Variants in AHRR observed in about 807,000 individuals in gnomAD.
AHRR encodes ahR repressor.
A neutral mutation model predicts 44.0 loss-of-function variants in AHRR; 28 were observed. That is an observed-to-expected ratio of 0.64 (90% CI 0.47 to 0.87). The LOEUF (loss-of-function observed/expected upper bound fraction) is 0.87. AHRR is among the 40% of genes least tolerant of loss of function. The probability of loss-of-function intolerance (pLI) is 0.00; values close to 1 mark genes in which losing one functional copy is unlikely to be tolerated. For synonymous variants in AHRR, 434 were observed against 407.0 expected (o/e 1.07, Z -0.80); for missense variants, 990 against 953.9 (o/e 1.04, Z -0.50).
rs928628495 is a variant in AHRR at position 354,027 on chromosome 5, C to G, written c.244+116C>G. The G allele has an allele frequency of 8.3e-6, 9 of 1,081,150 alleles. No homozygotes were observed. The African/African-American group carries it at 1.3e-4, about 15-fold the overall frequency. The allele number at this position is 1,081,150 out of a possible 1,614,324, so 67.0% of individuals were successfully genotyped here. Reference sequence around the variant, plus strand: ...TCTGGTGGGTTGCACCATGTGCACTCCCTTCTTCCCCCACGCTGCCCCCAG... The same window carrying G: ...TCTGGTGGGTTGCACCATGTGCACTGCCTTCTTCCCCCACGCTGCCCCCAG... On this transcript the variant is annotated intron_variant, in intron 3 of 10. Transcript: ENST00000684583.
At chr5:389,142 G>A (rs1392681490) in intron 4 of AHRR, among the ~76,000 whole-genome samples, 2 of 150,990 alleles carry the variant, frequency 1.3e-5, no homozygotes, top group Non-Finnish European at 3.0e-5. Flanking sequence ...CCATGCTGAC[G>A]ATGCCCTGGC....
At chr5:380,012 G>A (rs766951949) in intron 4 of AHRR, among the ~76,000 whole-genome samples, 3 of 152,172 alleles carry the variant, frequency 2.0e-5, no homozygotes, top group Non-Finnish European at 2.9e-5. Context: ...GGTATGAGAT[G>A]TGTGAGGTAG....
rs1273272185 is a variant in AHRR at position 383,717 on chromosome 5, C to T, written c.351+7001C>T. Among the ~76,000 whole-genome samples, 3 of 152,098 alleles carry T rather than the reference C, an allele frequency of 2.0e-5. No individual in the cohort carries two copies. Among genetic ancestry groups the T allele is most frequent in the African/African-American group, 7.2e-5 (3 of 41,400 alleles). On this transcript the variant is annotated intron_variant, in intron 4 of 10. Transcript: ENST00000684583. The surrounding 1 kb of genome is among the most constrained non-coding windows in gnomAD (Gnocchi z 4.0). Reference sequence around the variant, plus strand: ...AGCTGGGACTACAAGCATGTGCCACCATACCCAGCTAATTAAAATTCTTTT... The same window carrying T: ...AGCTGGGACTACAAGCATGTGCCACTATACCCAGCTAATTAAAATTCTTTT...
chr5:375,876 G>A (rs935533918), intron 3 of AHRR, among the ~76,000 whole-genome samples: 1 of 152,202 alleles, frequency 6.6e-6, no homozygotes, highest in Non-Finnish European at 1.5e-5. Flanking sequence ...GAAGGTGAAC[G>A]TGTCATCTGT....
At chr5:368,291 C>T (rs1560894306) in intron 3 of AHRR, among the ~76,000 whole-genome samples, 1 of 152,192 alleles carries the variant, frequency 6.6e-6, no homozygotes, top group Non-Finnish European at 1.5e-5. Flanking sequence ...CGCACTGTAT[C>T]CTGCCTGAGG....
chr5:434,699 T>C lies in AHRR; in HGVS notation c.1959T>C (p.Pro653=). The part of the protein sequence containing the change: ...SCTCRAAEAA[P]VVKREPLDSP... ...CCTGCAGAGCTGCTGAGGCCGCCCC[T>C]GTGGTCAAGCGGGAGCCCTTGGACT... The change falls in exon 11 of 11, where the codon CCT becomes CCC. Residue 653 remains proline (P), a synonymous_variant. Coordinates refer to ENST00000684583, the MANE Select transcript of AHRR (RefSeq NM_001377236.1). The C allele has an allele frequency of 6.4e-7, 1 of 1,573,602 alleles. No individual in the cohort carries two copies. The highest frequency in any genetic ancestry group is 8.6e-7 in the Non-Finnish European group (1 of 1,159,360).
chr5:437,207 T>C lies in AHRR; in HGVS notation c.*2373T>C, dbSNP rs896194409. 1 of 138,572 alleles carries C rather than the reference T, an allele frequency of 7.2e-6. No homozygotes were observed. Among genetic ancestry groups the C allele is most frequent in the Admixed American group, 7.0e-5 (1 of 14,288 alleles). The allele number at this position is 138,572 out of a possible 1,614,324, so 8.6% of individuals were successfully genotyped here. ...CTACAAAAAATAATTAAAAATCAGATCTGCTGTATCCCTGAAAAAGTCTCA... is the reference window on the plus strand; with the variant it reads ...CTACAAAAAATAATTAAAAATCAGACCTGCTGTATCCCTGAAAAAGTCTCA... On this transcript the variant is annotated 3_prime_UTR_variant, in exon 11 of 11. Coordinates refer to ENST00000684583, the MANE Select transcript of AHRR (RefSeq NM_001377236.1).
chr5:403,590 C>G (rs547274198), intron 4 of AHRR: 21 of 383,434 alleles, frequency 5.5e-5, no homozygotes, highest in South Asian at 4.4e-4. Flanking sequence ...GAGCCGAGAT[C>G]GCACCACACT....
chr5:409,089 T>C (rs1735378065), intron 4 of AHRR, among the ~76,000 whole-genome samples: 1 of 152,246 alleles, frequency 6.6e-6, no homozygotes. Flanking sequence ...CTCTTAAGTT[T>C]ATGAGCTTTT....
intron 4 of AHRR, 43 bp downstream of exon 4, chr5:376,759 C>A (rs528568058): frequency 1.3e-6 from 2 of 1,515,066 alleles, no homozygotes; most frequent in Admixed American, 1.9e-5. Flanking sequence ...ACACTTGGTT[C>A]TCCGTGTCAC....
chr5:344,714 G>T (rs183356346), intron 2 of AHRR, among the ~76,000 whole-genome samples: 1 of 7,092 alleles, frequency 1.4e-4, no homozygotes, highest in Non-Finnish European at 3.5e-4. Context: ...CTGTGTGTGG[G>T]GTGTGTGTGT....
rs1737132001 is a variant in AHRR, at chr5:437,386, G to A, written c.*2552G>A. 6.6e-6 allele frequency: 1 copy of A among 152,392 alleles called. No individual in the cohort carries two copies. The highest frequency in any genetic ancestry group is 2.4e-5 in the African/African-American group (1 of 41,466). 9.4% of individuals were successfully genotyped at this position (152,392 alleles called of 1,614,324 possible). A position where few individuals can be genotyped will look rare whatever the true frequency, so the allele number is the denominator to read the frequency against. ...TCTTCCAGTCTCGGGGCCGAGGAGG[G>A]CAGGGAGCTCAGTGACTGAGAGTCT... On this transcript the variant is annotated 3_prime_UTR_variant, in exon 11 of 11. Coordinates refer to ENST00000684583, the MANE Select transcript of AHRR (RefSeq NM_001377236.1).
At position 337,723 on chromosome 5, in the gene AHRR, C is replaced by T. The variant is rs1430985173; in HGVS notation, c.-10-6170C>T. 1.3e-5 allele frequency among the ~76,000 whole-genome samples: 2 copies of T among 152,106 alleles called. No homozygotes were observed. Among genetic ancestry groups the T allele is most frequent in the Non-Finnish European group, 2.9e-5 (2 of 68,030 alleles). On this transcript the variant is annotated intron_variant, in intron 1 of 10. Transcript: ENST00000684583. This position sits in a 1 kb window ranked among gnomAD's most constrained non-coding sequence, Gnocchi z 4.1. ...GGTGCTCCGGGGCTGCGGGAGGCCC[C>T]TAAGGAGTGCGCTTGGAAGGGGGCT...
intron 4 of AHRR, chr5:403,721 C>T (rs548072022): frequency 3.2e-5 from 34 of 1,047,136 alleles, no homozygotes; most frequent in South Asian, 2.2e-4. Flanking sequence ...CATATTTTTC[C>T]GTATTAAAAT....
In AHRR at chr5:422,519, G is replaced by A. The variant is rs913037481; in HGVS notation, c.442-210G>A. On this transcript the variant is annotated intron_variant, in intron 5 of 10. Coordinates refer to ENST00000684583, the MANE Select transcript of AHRR (RefSeq NM_001377236.1). Reference sequence around the variant, plus strand: ...TGTGGGCACCACTTGGCGGGCAGACGGGTGGGCGGGTGCTCCAGGCAACTT... The same window carrying A: ...TGTGGGCACCACTTGGCGGGCAGACAGGTGGGCGGGTGCTCCAGGCAACTT... 38 of 608,536 alleles carry A rather than the reference G, an allele frequency of 6.2e-5. No homozygotes were observed. The East Asian group carries it at 1.1e-3, about 18-fold the overall frequency. 37.7% of individuals were successfully genotyped at this position (608,536 alleles called of 1,614,324 possible). A position where few individuals can be genotyped will look rare whatever the true frequency, so the allele number is the denominator to read the frequency against.
intron 3 of AHRR, among the ~76,000 whole-genome samples, chr5:355,813 CAG>C (rs773338353): frequency 2.6e-5 from 4 of 152,256 alleles, no homozygotes; most frequent in Non-Finnish European, 4.4e-5. Flanking sequence ...CAGTGACTCT[CAG>C]GGGCCACCGG....
In AHRR at chr5:370,483, T is replaced by C. The variant is rs1743537268; in HGVS notation, c.245-6127T>C. Reference sequence around the variant, plus strand: ...AGCTTGAGCTGGAAGCAGGGGTGAGTGAAATCAGGTTCAAGGGAAATTTTC... The same window carrying C: ...AGCTTGAGCTGGAAGCAGGGGTGAGCGAAATCAGGTTCAAGGGAAATTTTC... On this transcript the variant is annotated intron_variant, in intron 3 of 10. Transcript: ENST00000684583. The surrounding 1 kb of genome is among the most constrained non-coding windows in gnomAD (Gnocchi z 4.5). 6.6e-6 allele frequency among the ~76,000 whole-genome samples: 1 copy of C among 151,388 alleles called. No individual in the cohort carries two copies. Among genetic ancestry groups the C allele is most frequent in the Admixed American group, 6.6e-5 (1 of 15,228 alleles).
chr5:323,052 C>T (rs937060145), intron 1 of AHRR, among the ~76,000 whole-genome samples: 1 of 152,220 alleles, frequency 6.6e-6, no homozygotes, highest in Non-Finnish European at 1.5e-5. Context: ...CCCCTCTGTC[C>T]CGTGTGGGAC....
intron 5 of AHRR, among the ~76,000 whole-genome samples, chr5:420,734 G>A (rs1736042794): frequency 6.7e-6 from 1 of 148,316 alleles, no homozygotes; most frequent in African/African-American, 2.5e-5. Flanking sequence ...AGAAGGGACT[G>A]GGCAAGGCAG....
Sources: allele counts gnomAD v4.1 joint callset (sites outside exome capture counted in the v4.1 genomes callset), GRCh38; gene constraint gnomAD v4.1.1; non-coding constraint Gnocchi (gnomAD v3.1); transcripts MANE v1.5; gene names NCBI Gene and HGNC (gene_info 2026-07-23, HGNC 2026-07-21).